The following CSMD1 variants were observed in gnomAD, a reference collection of about 807,000 sequenced individuals.
The protein encoded by CSMD1 is CUB and sushi domain-containing protein 1.
Under a neutral mutation model 417.5 loss-of-function variants are expected in CSMD1, and 213 were observed. The observed-to-expected ratio is 0.51, with a 90% CI of 0.46 to 0.57. The LOEUF is 0.57. Ranked by LOEUF, CSMD1 falls within the 20% of genes least tolerant of loss-of-function variation. The pLI is 0.00. For synonymous variants in CSMD1, 2,862 were observed against 1,736.8 expected (o/e 1.65, Z -16.11); for missense variants, 6,923 against 4,529.7 (o/e 1.53, Z -15.17).
intron 2 of CSMD1, among the ~76,000 whole-genome samples, chr8:4,520,634 T>C (rs1200846880): frequency 6.6e-6 from 1 of 152,154 alleles, no homozygotes; most frequent in Non-Finnish European, 1.5e-5. Context: ...TTAGATAAGT[T>C]ATTTCCCCCT....
chr8:3,848,040 G>C (rs555503831), intron 5 of CSMD1, among the ~76,000 whole-genome samples: 1 of 151,062 alleles, frequency 6.6e-6, no homozygotes, highest in South Asian at 2.1e-4. Context: ...TTTTTATTTT[G>C]TCTAATCTTC....
intron 15 of CSMD1, among the ~76,000 whole-genome samples, chr8:3,399,937 C>A (rs568896462): frequency 2.6e-5 from 4 of 152,102 alleles, no homozygotes; most frequent in African/African-American, 9.7e-5. Flanking sequence ...TATACACACC[C>A]TTAGGTGTGT....
At chr8:4,298,939 C>G (rs931848241) in intron 3 of CSMD1, among the ~76,000 whole-genome samples, 4 of 151,962 alleles carry the variant, frequency 2.6e-5, no homozygotes, top group African/African-American at 9.6e-5. Flanking sequence ...CATAAACACA[C>G]AATACATATA....
chr8:4,069,172 G>A (rs1017209712), intron 3 of CSMD1, among the ~76,000 whole-genome samples: 16 of 152,272 alleles, frequency 1.1e-4, no homozygotes, highest in Admixed American at 9.8e-4. Flanking sequence ...ATACTATGAT[G>A]GGTAGGCATA....
intron 3 of CSMD1, among the ~76,000 whole-genome samples, chr8:4,076,355 T>A (rs1204818418): frequency 6.6e-6 from 1 of 152,208 alleles, no homozygotes; most frequent in Admixed American, 6.5e-5. Flanking sequence ...CAAACCTCTT[T>A]CCTTTAAAAG....
rs73659215 is a variant in CSMD1, at chr8:4,853,158, A to G, written c.85+141174T>C. ...GGGCTATGGAGCAAACACTTTCTAGAGAGATTTGCATGACTAAAAGGGACC... is the reference window on the plus strand; with the variant it reads ...GGGCTATGGAGCAAACACTTTCTAGGGAGATTTGCATGACTAAAAGGGACC... On this transcript the variant is annotated intron_variant, in intron 1 of 69. Coordinates refer to ENST00000635120, the MANE Select transcript of CSMD1 (RefSeq NM_033225.6). Among the ~76,000 whole-genome samples, 522 of 152,324 alleles carry G rather than the reference A, an allele frequency of 3.4e-3. 1 individual carries two copies. Among genetic ancestry groups the G allele is most frequent in the African/African-American group, 0.012 (508 of 41,570 alleles).
intron 6 of CSMD1, among the ~76,000 whole-genome samples, chr8:3,724,471 G>C (rs932655150): frequency 6.6e-6 from 1 of 152,100 alleles, no homozygotes; most frequent in Non-Finnish European, 1.5e-5. Context: ...AATATATTAA[G>C]TATTGGTAGC....
intron 1 of CSMD1, among the ~76,000 whole-genome samples, chr8:4,976,581 T>C (rs1046714065): frequency 2.0e-5 from 3 of 152,224 alleles, no homozygotes; most frequent in Non-Finnish European, 2.9e-5. Flanking sequence ...ATGTCCAAAA[T>C]AATGCAACAA....
intron 4 of CSMD1, among the ~76,000 whole-genome samples, chr8:4,011,821 G>A (rs534614180): frequency 6.6e-6 from 1 of 152,116 alleles, no homozygotes; most frequent in South Asian, 2.1e-4. Flanking sequence ...GGAATAATAT[G>A]TGCACAGTCA....
chr8:3,527,783 T>A (rs974668876), intron 10 of CSMD1, among the ~76,000 whole-genome samples: 4 of 152,148 alleles, frequency 2.6e-5, no homozygotes, highest in African/African-American at 9.7e-5. Flanking sequence ...TTTGGATCTG[T>A]AAGTATTTCA....
chr8:4,484,551 T>C (rs928415219), intron 2 of CSMD1, among the ~76,000 whole-genome samples: 2 of 152,102 alleles, frequency 1.3e-5, no homozygotes, highest in African/African-American at 4.8e-5. Context: ...CTCAGAGTCA[T>C]ACTGAATACA....
rs372880190 is a variant in CSMD1 at position 2,963,289 on chromosome 8, G to A, written c.9387C>T (p.Leu3129=). Reference sequence around the variant, plus strand: ...CACAGGAGAGGATGGCGGAGTGAGAGAGCTGGTAACCGTCCATGCAGCTGT... The same window carrying A: ...CACAGGAGAGGATGGCGGAGTGAGAAAGCTGGTAACCGTCCATGCAGCTGT... The part of the protein sequence containing the change: ...ISYSCMDGYQ[L]SHSAILSCEG... The change falls in exon 60 of 70, where the codon CTC becomes CTT. Residue 3129 remains leucine (L), a synonymous_variant. Coordinates refer to ENST00000635120, the MANE Select transcript of CSMD1 (RefSeq NM_033225.6). 59 of 1,613,956 alleles carry A rather than the reference G, an allele frequency of 3.7e-5. No individual in the cohort carries two copies. Among genetic ancestry groups the A allele is most frequent in the Admixed American group, 6.7e-5 (4 of 60,008 alleles).
At chr8:4,644,262 T>C (rs934247417) in intron 1 of CSMD1, among the ~76,000 whole-genome samples, 1 of 152,156 alleles carries the variant, frequency 6.6e-6, no homozygotes, top group African/African-American at 2.4e-5. Context: ...CCCCAGGCCC[T>C]TTGAACATGT....
intron 3 of CSMD1, among the ~76,000 whole-genome samples, chr8:4,244,199 A>C (rs942818027): frequency 6.6e-6 from 1 of 152,140 alleles, no homozygotes; most frequent in Non-Finnish European, 1.5e-5. Flanking sequence ...GGCTTAGCTG[A>C]GCTAGACCAA....
intron 10 of CSMD1, among the ~76,000 whole-genome samples, chr8:3,563,266 T>C (rs1328959772): frequency 6.6e-6 from 1 of 152,012 alleles, no homozygotes; most frequent in African/African-American, 2.4e-5. Flanking sequence ...GTGACTTTTC[T>C]CACACTCCTT....
chr8:4,700,596 A>C (rs1272745589), intron 1 of CSMD1, among the ~76,000 whole-genome samples: 1 of 152,188 alleles, frequency 6.6e-6, no homozygotes, highest in Non-Finnish European at 1.5e-5. Context: ...TTAGTGAAAT[A>C]ATTGGGTATC....
intron 1 of CSMD1, among the ~76,000 whole-genome samples, chr8:4,914,546 C>T (rs1301768128): frequency 6.8e-6 from 1 of 148,104 alleles, no homozygotes; most frequent in East Asian, 2.0e-4. Flanking sequence ...CCACTGCACT[C>T]CAGCCTGGGA....
chr8:4,045,849 C>T (rs1798120718), intron 3 of CSMD1, among the ~76,000 whole-genome samples: 2 of 152,178 alleles, frequency 1.3e-5, no homozygotes, highest in South Asian at 4.2e-4. Flanking sequence ...CTTTCAGACT[C>T]TGGCACTGCA....
At chr8:3,246,905 C>G (rs898351158) in intron 26 of CSMD1, among the ~76,000 whole-genome samples, 1 of 152,172 alleles carries the variant, frequency 6.6e-6, no homozygotes, top group Non-Finnish European at 1.5e-5. Flanking sequence ...TTCTTTCTCT[C>G]TTTTTTTGCT....
Sources: allele counts gnomAD v4.1 joint callset (sites outside exome capture counted in the v4.1 genomes callset), GRCh38; gene constraint gnomAD v4.1.1; transcripts MANE v1.5; gene names NCBI Gene and HGNC (gene_info 2026-07-23, HGNC 2026-07-21).